LSM14A: variants seen among roughly 807,000 people sequenced by gnomAD.
The protein encoded by LSM14A is LSM14A mRNA processing body assembly factor, also known as protein LSM14 homolog A.
Under a neutral mutation model 52.4 loss-of-function variants are expected in LSM14A, and 14 were observed. The ratio of observed to expected loss-of-function variants is 0.27; its 90% CI spans 0.18 to 0.42. The LOEUF (loss-of-function observed/expected upper bound fraction) is 0.42. Ranked by LOEUF, LSM14A falls within the 10% of genes least tolerant of loss-of-function variation. The pLI is 1.00. For missense variants in LSM14A, 417 were observed against 581.8 expected (o/e 0.72, Z 2.91); for synonymous variants, 185 against 200.3 (o/e 0.92, Z 0.64).
At chr19:34,174,713 T>C (rs1047025468) in intron 1 of LSM14A, among the ~76,000 whole-genome samples, 1 of 152,332 alleles carries the variant, frequency 6.6e-6, no homozygotes, top group South Asian at 2.1e-4. Flanking sequence ...TTTGAAATTA[T>C]GAAAAAGCCT....
rs765609648 is a variant in LSM14A at position 34,215,664 on chromosome 19, A to C, written c.781+3A>C. 3 of 1,604,000 alleles carry C rather than the reference A, an allele frequency of 1.9e-6. No homozygotes were observed. The highest frequency in any genetic ancestry group is 1.7e-6 in the Non-Finnish European group (2 of 1,171,236). ...AAATGATAACAAGAGACAAGTAGGT[A>C]AGTTCTTGGATCTAAAAGTCATATT... On this transcript the variant is annotated splice_donor_region_variant and intron_variant, in intron 6 of 9. Transcript: ENST00000544216.
chr19:34,202,044 A>G (rs1221116466), intron 3 of LSM14A, among the ~76,000 whole-genome samples: 2 of 148,686 alleles, frequency 1.3e-5, no homozygotes, highest in African/African-American at 5.0e-5. Context: ...CTGATCTCGA[A>G]CTCCTGGGTT....
At chr19:34,223,716 A>T (rs2073189963) in intron 9 of LSM14A, among the ~76,000 whole-genome samples, 1 of 152,226 alleles carries the variant, frequency 6.6e-6, no homozygotes, top group African/African-American at 2.4e-5. Flanking sequence ...ACAACCTGTG[A>T]CAACTCCTTG....
chr19:34,199,251 A>G (rs893005821), intron 3 of LSM14A, among the ~76,000 whole-genome samples: 1 of 151,786 alleles, frequency 6.6e-6, no homozygotes, highest in Non-Finnish European at 1.5e-5. Context: ...CAACCTCCCG[A>G]GTAGCTGGGA....
At position 34,198,843 on chromosome 19, in the gene LSM14A, C is replaced by T. The variant is rs539127482; in HGVS notation, c.415+2080C>T. Among the ~76,000 whole-genome samples, 156 of 151,462 alleles carry T rather than the reference C, an allele frequency of 1.0e-3. 1 individual carries two copies. Among genetic ancestry groups the T allele is most frequent in the Non-Finnish European group, 1.6e-4 (11 of 67,842 alleles). The stretch of plus-strand genomic sequence containing the variant: ...CTACTAAAAATACAAAAAAATTAGC[C>T]GGGCGTGGTGGTGGGCGCCTGTAGT... On this transcript the variant is annotated intron_variant, in intron 3 of 9. Transcript: ENST00000544216.
rs758648942 is a variant in LSM14A, at chr19:34,209,021, A to G, written c.508A>G (p.Thr170Ala). 4 of 1,593,704 alleles carry G rather than the reference A, an allele frequency of 2.5e-6. No homozygotes were observed. The South Asian group carries it at 3.5e-5, about 14-fold the overall frequency. The change falls in exon 4 of 10, where the codon ACA becomes GCA. Residue 170 changes from threonine to alanine, a missense_variant. By Grantham distance (58) the Thr-to-Ala change is moderately conservative (BLOSUM62 0). Coordinates refer to ENST00000544216, the MANE Select transcript of LSM14A (RefSeq NM_015578.4). ...SAVGSAFTQD[T>A]RSLKTQLSQG... The stretch of plus-strand genomic sequence containing the variant: ...GGTTGGTTCTGCCTTTACACAGGAT[A>G]CAAGATCTCTAAAAACACAGTTATC...
intron 4 of LSM14A, among the ~76,000 whole-genome samples, chr19:34,209,483 C>T (rs549297907): frequency 2.0e-5 from 3 of 152,264 alleles, no homozygotes; most frequent in African/African-American, 7.2e-5. Flanking sequence ...GTAGGCTACC[C>T]ACAACTGAAT....
chr19:34,172,785 G>T, intron 1 of LSM14A, 22 bp downstream of exon 1: 10 of 1,559,106 alleles, frequency 6.4e-6, no homozygotes, highest in Non-Finnish European at 6.9e-6. Flanking sequence ...CGGGCCTCAG[G>T]GTGGGGGCCG....
At chr19:34,208,830 A>G (rs2071906941) in intron 3 of LSM14A, 99 bp from the exon 4 acceptor site, 1 of 750,228 alleles carries the variant, frequency 1.3e-6, no homozygotes, top group Non-Finnish European at 2.1e-6. Context: ...GGGGAGAGGT[A>G]GACAATTACC....
At chr19:34,215,702 A>G in intron 6 of LSM14A, 41 bp downstream of exon 6, 1 of 1,328,700 alleles carries the variant, frequency 7.5e-7, no homozygotes, top group Non-Finnish European at 1.1e-6. Context: ...ATGCTTCTCA[A>G]CAGGGAGAAT....
chr19:34,187,349 A>T (rs1009046580), intron 1 of LSM14A, among the ~76,000 whole-genome samples: 1 of 151,732 alleles, frequency 6.6e-6, no homozygotes, highest in Non-Finnish European at 1.5e-5. Flanking sequence ...TGTGATCATA[A>T]CTCACTGCAA....
chr19:34,221,697 G>A lies in LSM14A; in HGVS notation c.1327G>A (p.Gly443Arg), dbSNP rs1329578601. The A allele has an allele frequency of 6.2e-7, 1 of 1,614,034 alleles. No homozygotes were observed. Among genetic ancestry groups the A allele is most frequent in the South Asian group, 1.1e-5 (1 of 91,074 alleles). Reference protein sequence around the residue: ...APRGFRGGFRGGRGGREFADF... With the variant: ...APRGFRGGFRRGRGGREFADF... Reference sequence around the variant, plus strand: ...TCGAGGATTTCGCGGTGGATTCAGAGGAGGTCGTGGGGGCCGGGAGTTTGC... The same window carrying A: ...TCGAGGATTTCGCGGTGGATTCAGAAGAGGTCGTGGGGGCCGGGAGTTTGC... Residue 443 changes from glycine (G) to arginine (R), a missense_variant, in exon 9 of 10, where the codon GGA becomes AGA. This residue lies in a region of LSM14A where 357 missense variants were observed against 457.0 expected (regional missense o/e 0.78). Transcript: ENST00000544216.
At chr19:34,215,692 A>T in intron 6 of LSM14A, 31 bp downstream of exon 6, 1 of 1,416,318 alleles carries the variant, frequency 7.1e-7, no homozygotes, top group Non-Finnish European at 1.0e-6. Context: ...GTCATATTCT[A>T]TGCTTCTCAA....
chr19:34,226,733 G>A (rs953661632), intron 9 of LSM14A, among the ~76,000 whole-genome samples: 15 of 152,286 alleles, frequency 9.8e-5, no homozygotes, highest in African/African-American at 3.4e-4. Context: ...CTTGGCTCCA[G>A]CCCTTTGTAC....
At chr19:34,219,333 G>A in intron 6 of LSM14A, 58 bp from the exon 7 acceptor site, 1 of 1,233,386 alleles carries the variant, frequency 8.1e-7, no homozygotes, top group Non-Finnish European at 1.1e-6. Context: ...AGCAACATCT[G>A]TGCTAAACCA....
intron 3 of LSM14A, among the ~76,000 whole-genome samples, chr19:34,200,366 A>G (rs781433406): frequency 1.3e-5 from 2 of 152,188 alleles, no homozygotes; most frequent in Non-Finnish European, 2.9e-5. Flanking sequence ...TGTGAAGAAC[A>G]TTTTAGGGAC....
chr19:34,217,290 C>G (rs2072688678), intron 6 of LSM14A, among the ~76,000 whole-genome samples: 1 of 150,122 alleles, frequency 6.7e-6, no homozygotes, highest in Non-Finnish European at 1.5e-5. Context: ...AGCCCAGATC[C>G]TGTTTTTGAA....
At chr19:34,179,444 G>C (rs1263240610) in intron 1 of LSM14A, among the ~76,000 whole-genome samples, 3 of 152,148 alleles carry the variant, frequency 2.0e-5, no homozygotes, top group African/African-American at 7.2e-5. Context: ...TATCTAAAAT[G>C]ACAAAGATCT....
At chr19:34,209,264 G>C (rs2071952424) in intron 4 of LSM14A, among the ~76,000 whole-genome samples, 1 of 152,288 alleles carries the variant, frequency 6.6e-6, no homozygotes, top group South Asian at 2.1e-4. Flanking sequence ...TCATGAAACT[G>C]AAATGCTGAG....
Sources: gnomAD v4.1 joint callset for allele counts (sites outside exome capture counted in the v4.1 genomes callset) on GRCh38, gnomAD v4.1.1 for gene constraint, gnomAD v4.1.1 regional missense constraint, MANE v1.5 for transcripts, NCBI Gene and HGNC (gene_info 2026-07-23, HGNC 2026-07-21) for gene names.